The following MYO1B variants were observed in gnomAD, a reference collection of about 807,000 sequenced individuals.
MYO1B encodes the protein myosin IB.
A neutral mutation model predicts 159.7 loss-of-function variants in MYO1B; 72 were observed. The observed-to-expected ratio is 0.45, with a 90% CI of 0.37 to 0.55. MYO1B has a LOEUF of 0.55. MYO1B is among the 20% of genes least tolerant of loss of function. The pLI, the probability that MYO1B is intolerant of heterozygous loss-of-function variation, is 0.00. For synonymous variants in MYO1B, 468 were observed against 473.8 expected (o/e 0.99, Z 0.16); for missense variants, 1,062 against 1,364.8 (o/e 0.78, Z 3.50).
At position 191,385,898 on chromosome 2, in the gene MYO1B, C is replaced by G; in HGVS notation, c.1368C>G (p.Ile456Met). 6.2e-7 allele frequency: 1 copy of G among 1,614,046 alleles called. No homozygotes were observed. Among genetic ancestry groups the G allele is most frequent in the Non-Finnish European group, 8.5e-7 (1 of 1,179,954 alleles). The change falls in exon 16 of 31, where the codon ATC (isoleucine) becomes ATG (methionine). Residue 456 changes from isoleucine to methionine, a missense_variant. Physicochemically the swap from Ile to Met is conservative, Grantham distance 10. Coordinates refer to ENST00000392318, the MANE Select transcript of MYO1B (RefSeq NM_001130158.3). ...CGTTTTCCCAGAACACAAATGGAAT[C>G]CTGGCCATGCTGGATGAAGAGTGCC... ...CDLIENNTNGILAMLDEECLR... is the reference protein window; with the variant it reads ...CDLIENNTNGMLAMLDEECLR...
Position 191,303,894 on chromosome 2 carries a change from A to G in MYO1B, c.251+7668A>G, listed in dbSNP as rs143860371. On this transcript the variant is annotated intron_variant, in intron 3 of 30. Coordinates refer to ENST00000392318, the MANE Select transcript of MYO1B (RefSeq NM_001130158.3). Reference sequence around the variant, plus strand: ...TTTGCTCTCCAGTTTAGATGCCTTAAATAAACATCTCGTGTGTAATGACAC... The same window carrying G: ...TTTGCTCTCCAGTTTAGATGCCTTAGATAAACATCTCGTGTGTAATGACAC... Among the ~76,000 whole-genome samples, 371 of 152,298 alleles carry G rather than the reference A, an allele frequency of 2.4e-3. 1 individual carries two copies. Among genetic ancestry groups the G allele is most frequent in the African/African-American group, 8.4e-3 (349 of 41,580 alleles).
At chr2:191,317,149 C>T (rs1690403363) in intron 3 of MYO1B, among the ~76,000 whole-genome samples, 1 of 152,100 alleles carries the variant, frequency 6.6e-6, no homozygotes. Flanking sequence ...ATCTGGAGAG[C>T]AGGTGCAGCG....
chr2:191,367,827 A>T (rs1694103104), intron 11 of MYO1B, among the ~76,000 whole-genome samples: 1 of 152,238 alleles, frequency 6.6e-6, no homozygotes, highest in Non-Finnish European at 1.5e-5. Context: ...ATACTTCAGA[A>T]ATCAATATAA....
At chr2:191,314,651 AAGTC>A (rs1326509462) in intron 3 of MYO1B, among the ~76,000 whole-genome samples, 2 of 152,208 alleles carry the variant, frequency 1.3e-5, no homozygotes, top group Admixed American at 1.3e-4. Flanking sequence ...GAATACATAA[AAGTC>A]AGTTTCCCCT....
Position 191,346,201 on chromosome 2 carries a change from T to A in MYO1B, c.452-35T>A, listed in dbSNP as rs781091430. 4 of 1,477,272 alleles carry A rather than the reference T, an allele frequency of 2.7e-6. No homozygotes were observed. In the Admixed American group the frequency reaches 8.7e-5, roughly 32 times the overall value. 91.5% of individuals were successfully genotyped at this position (1,477,272 alleles called of 1,614,324 possible). On this transcript the variant is annotated intron_variant, in intron 5 of 30. Transcript: ENST00000392318. Reference sequence around the variant, plus strand: ...ATCTTTCTGCTTGAGATTATTATTATTTTTTTAACCATACATCTGTTTCTT... The same window carrying A: ...ATCTTTCTGCTTGAGATTATTATTAATTTTTTAACCATACATCTGTTTCTT...
intron 3 of MYO1B, among the ~76,000 whole-genome samples, chr2:191,301,623 C>T (rs1053086080): frequency 1.3e-5 from 2 of 152,162 alleles, no homozygotes; most frequent in African/African-American, 4.8e-5. Context: ...AGACTTGGGT[C>T]CTATACCCAA....
chr2:191,362,294 A>T lies in MYO1B; in HGVS notation c.688A>T (p.Ser230Cys). The change falls in exon 9 of 31, where the codon AGC (serine) becomes TGC (cysteine). Residue 230 changes from serine to cysteine, a missense_variant. By Grantham distance (112) the Ser-to-Cys change is moderately radical (BLOSUM62 -1). Coordinates refer to ENST00000392318, the MANE Select transcript of MYO1B (RefSeq NM_001130158.3). ...LNKLKLERDFSRYNYLSLDSA... is the reference protein window; with the variant it reads ...LNKLKLERDFCRYNYLSLDSA... The stretch of plus-strand genomic sequence containing the variant: ...TAAACTTAAGCTTGAGAGGGATTTC[A>T]GCAGGTATAACTACCTGAGTCTGGA... 1 of 1,613,760 alleles carries T rather than the reference A, an allele frequency of 6.2e-7. No homozygotes were observed.
chr2:191,350,098 A>G lies in MYO1B; in HGVS notation c.499-64A>G, dbSNP rs143532814. On this transcript the variant is annotated intron_variant, in intron 6 of 30. Coordinates refer to ENST00000392318, the MANE Select transcript of MYO1B (RefSeq NM_001130158.3). The stretch of plus-strand genomic sequence containing the variant: ...ATAAGGGCTTAGTCTGCTGTTCTCT[A>G]AGAAGTACACTGAGTTAACATTTTG... 1.6e-3 allele frequency: 2,203 copies of G among 1,335,198 alleles called. 5 individuals are homozygous for G. Among genetic ancestry groups the G allele is most frequent in the Middle Eastern group, 2.8e-3 (15 of 5,454 alleles). 82.7% of individuals were successfully genotyped at this position (1,335,198 alleles called of 1,614,324 possible).
intron 3 of MYO1B, among the ~76,000 whole-genome samples, chr2:191,302,270 T>C (rs142246151): frequency 3.9e-4 from 60 of 152,336 alleles, no homozygotes; most frequent in Non-Finnish European, 7.5e-4. Context: ...TTGAATGAGA[T>C]AGAAGCTTCT....
intron 21 of MYO1B, 117 bp downstream of exon 21, chr2:191,396,614 A>G: frequency 3.2e-6 from 3 of 941,904 alleles, no homozygotes; most frequent in Admixed American, 3.9e-5. Context: ...CCTCGCCTGT[A>G]AACAGTCAGA....
chr2:191,310,539 T>A (rs1179464483), intron 3 of MYO1B, among the ~76,000 whole-genome samples: 2 of 152,318 alleles, frequency 1.3e-5, no homozygotes, highest in East Asian at 3.9e-4. Flanking sequence ...GCTTTTGTAG[T>A]TTATAGAAGA....
At chr2:191,393,529 A>G (rs905619208) in intron 20 of MYO1B, among the ~76,000 whole-genome samples, 5 of 152,222 alleles carry the variant, frequency 3.3e-5, no homozygotes, top group Non-Finnish European at 7.3e-5. Context: ...TTGGAAATAC[A>G]TTTTTAATTT....
intron 19 of MYO1B, 22 bp from the exon 20 acceptor site, chr2:191,393,051 T>C: frequency 6.2e-7 from 1 of 1,608,518 alleles, no homozygotes; most frequent in Admixed American, 1.7e-5. Context: ...TTTTGATAAG[T>C]CCATCTATCA....
chr2:191,405,324 T>C (rs948233201), intron 24 of MYO1B, among the ~76,000 whole-genome samples: 1 of 152,206 alleles, frequency 6.6e-6, no homozygotes, highest in Non-Finnish European at 1.5e-5. Context: ...CTTCCTCCAC[T>C]AAAGTTGTGA....
chr2:191,347,710 C>A (rs1185412468), intron 6 of MYO1B, among the ~76,000 whole-genome samples: 1 of 152,000 alleles, frequency 6.6e-6, no homozygotes, highest in Non-Finnish European at 1.5e-5. Flanking sequence ...CATTTCATGC[C>A]CAGTTTTTAG....
At chr2:191,391,904 A>G (rs1695776237) in intron 18 of MYO1B, among the ~76,000 whole-genome samples, 2 of 152,228 alleles carry the variant, frequency 1.3e-5, no homozygotes, top group African/African-American at 4.8e-5. Context: ...ATACATAGTT[A>G]TGAACCCAAA....
At chr2:191,406,594 G>A (rs191545251) in intron 24 of MYO1B, among the ~76,000 whole-genome samples, 296 of 152,332 alleles carry the variant, frequency 1.9e-3, no homozygotes, top group Non-Finnish European at 3.4e-3. Context: ...AGGAGAGGGA[G>A]AGAGATGGGA....
Position 191,409,044 on chromosome 2 carries a change from G to A in MYO1B, c.2632G>A (p.Val878Met). 2.5e-6 allele frequency: 4 copies of A among 1,608,830 alleles called. No homozygotes were observed. The highest frequency in any genetic ancestry group is 3.4e-6 in the Non-Finnish European group (4 of 1,178,690). ...AGTATTTTCTGTCAACCCAACACAG[G>A]TGCAAAAATACTTCTTGGAAATGAA... is the stretch of plus-strand genomic sequence containing the variant. ...KIYEFTLQRI[V>M]QKYFLEMKNK... Residue 878 changes from valine to methionine, a missense_variant and splice_region_variant, in exon 26 of 31, where the codon GTG becomes ATG. Val to Met is a conservative substitution (Grantham distance 21). Around this residue, in one of 5 missense-constraint regions of MYO1B, gnomAD observed 609 missense variants for 744.4 expected, o/e 0.82. Transcript: ENST00000392318.
chr2:191,342,115 T>C (rs1356458706), intron 5 of MYO1B, among the ~76,000 whole-genome samples: 2 of 152,208 alleles, frequency 1.3e-5, no homozygotes, highest in Non-Finnish European at 2.9e-5. Flanking sequence ...CTCTAGAGGC[T>C]AGAAGTTCAA....
Sources: gnomAD v4.1 joint callset for allele counts (sites outside exome capture counted in the v4.1 genomes callset) on GRCh38, gnomAD v4.1.1 for gene constraint, gnomAD v4.1.1 regional missense constraint, MANE v1.5 for transcripts, NCBI Gene and HGNC (gene_info 2026-07-23, HGNC 2026-07-21) for gene names.